The following RBM6 variants were observed in gnomAD, a reference collection of about 807,000 sequenced individuals.
RBM6 encodes RNA-binding protein 6.
Under a neutral mutation model 140.4 loss-of-function variants are expected in RBM6, and 23 were observed. The ratio of observed to expected loss-of-function variants is 0.16; its 90% CI spans 0.12 to 0.23. The LOEUF (loss-of-function observed/expected upper bound fraction) is 0.23, where lower values mean the gene tolerates loss of function less well. Among genes scored for constraint, RBM6 ranks in the 10% least tolerant of loss-of-function variants. The pLI is 1.00. For missense variants in RBM6, 1,139 were observed against 1,386.7 expected, an observed-to-expected ratio of 0.82 and a Z score of 2.84; for synonymous variants, 439 against 475.6, an observed-to-expected ratio of 0.92 and a Z score of 1.00.
intron 1 of RBM6, among the ~76,000 whole-genome samples, chr3:49,957,801 C>T (rs896703028): frequency 1.3e-5 from 2 of 151,714 alleles, no homozygotes; most frequent in East Asian, 1.9e-4. Context: ...TTTACAGTTG[C>T]CCCTGTATTT....
chr3:50,005,165 C>G (rs1292443512), intron 6 of RBM6, among the ~76,000 whole-genome samples: 1 of 151,826 alleles, frequency 6.6e-6, no homozygotes, highest in Non-Finnish European at 1.5e-5. Flanking sequence ...TATAGGAAAC[C>G]AAATCTCAAA....
At chr3:49,989,275 G>A (rs375844239) in intron 5 of RBM6, among the ~76,000 whole-genome samples, 2 of 152,094 alleles carry the variant, frequency 1.3e-5, no homozygotes, top group Admixed American at 6.6e-5. Context: ...TATGCCAATC[G>A]GTTAAATAAT....
At chr3:49,958,497 A>G (rs925540078) in intron 1 of RBM6, among the ~76,000 whole-genome samples, 1 of 152,088 alleles carries the variant, frequency 6.6e-6, no homozygotes, top group Admixed American at 6.6e-5. Flanking sequence ...AATGGCGTCA[A>G]CCCAGGAGGC....
chr3:50,030,136 TGGG>T (rs2088064270), intron 6 of RBM6, among the ~76,000 whole-genome samples: 1 of 150,460 alleles, frequency 6.6e-6, no homozygotes, highest in Admixed American at 6.6e-5. Context: ...AAGCTGGGCA[TGGG>T]GGCACGTGCC....
intron 1 of RBM6, among the ~76,000 whole-genome samples, chr3:49,959,594 A>C (rs1336455299): frequency 8.4e-6 from 1 of 119,550 alleles, no homozygotes; most frequent in Non-Finnish European, 1.8e-5. Context: ...TTTTTGAGAC[A>C]GAGTCTTGCT....
chr3:49,987,977 A>T (rs2085643659), intron 5 of RBM6, among the ~76,000 whole-genome samples: 1 of 152,126 alleles, frequency 6.6e-6, no homozygotes, highest in South Asian at 2.1e-4. Flanking sequence ...GCACTTTGAG[A>T]TGTTTAGAAC....
chr3:50,012,738 C>CTTTTT (rs1354297345), intron 6 of RBM6, among the ~76,000 whole-genome samples: 1 of 120,842 alleles, frequency 8.3e-6, no homozygotes, highest in African/African-American at 3.6e-5. Flanking sequence ...TAGATTCTAC[C>CTTTTT]TTTTTTTTTT....
chr3:49,964,697 G>C (rs1165041570), intron 2 of RBM6, among the ~76,000 whole-genome samples: 1 of 152,142 alleles, frequency 6.6e-6, no homozygotes, highest in East Asian at 1.9e-4. Flanking sequence ...TATTTAGGTT[G>C]TAATCTATCC....
chr3:50,028,323 T>G (rs1475397462), intron 6 of RBM6, among the ~76,000 whole-genome samples: 1 of 152,190 alleles, frequency 6.6e-6, no homozygotes, highest in Non-Finnish European at 1.5e-5. Context: ...GTGGTCATCT[T>G]TTTTCTTTGA....
intron 1 of RBM6, among the ~76,000 whole-genome samples, chr3:49,946,282 G>A (rs1472118246): frequency 1.3e-5 from 2 of 150,344 alleles, no homozygotes; most frequent in Admixed American, 1.3e-4. Context: ...GCTCTGTCAC[G>A]CAGGCTGGAG....
At chr3:49,947,248 T>C in intron 1 of RBM6, among the ~76,000 whole-genome samples, 1 of 83,836 alleles carries the variant, frequency 1.2e-5, no homozygotes. Flanking sequence ...CGAGACTCCG[T>C]CTCAAAAAAA....
intron 6 of RBM6, among the ~76,000 whole-genome samples, chr3:50,016,672 TTTTGTTTG>T (rs937249784): frequency 6.6e-6 from 1 of 151,994 alleles, no homozygotes; most frequent in Non-Finnish European, 1.5e-5. Context: ...CTCATTATGG[TTTTGTTTG>T]TTTGTTTGAG....
At chr3:50,076,408 CCT>C (rs1023535304) in intron 20 of RBM6, among the ~76,000 whole-genome samples, 28 of 151,366 alleles carry the variant, frequency 1.8e-4, no homozygotes, top group East Asian at 3.9e-4. Context: ...TGATGAAACC[CCT>C]GTCTCTACTA....
chr3:49,989,829 C>T (rs1486153206), intron 5 of RBM6, among the ~76,000 whole-genome samples: 2 of 152,084 alleles, frequency 1.3e-5, no homozygotes, highest in East Asian at 1.9e-4. Flanking sequence ...TCACTGTAGC[C>T]TCCGCCTCCC....
intron 1 of RBM6, among the ~76,000 whole-genome samples, chr3:49,942,700 C>G (rs1232546108): frequency 6.6e-6 from 1 of 152,000 alleles, no homozygotes; most frequent in Non-Finnish European, 1.5e-5. Context: ...CAAGAACAGC[C>G]TGGCCAACAT....
intron 6 of RBM6, among the ~76,000 whole-genome samples, chr3:50,015,139 C>T (rs1321949391): frequency 6.7e-6 from 1 of 150,038 alleles, no homozygotes; most frequent in East Asian, 1.9e-4. Flanking sequence ...CAGAGTCACG[C>T]TCTGTCACCC....
chr3:50,072,356 G>A (rs572080636), intron 19 of RBM6, among the ~76,000 whole-genome samples: 1 of 151,294 alleles, frequency 6.6e-6, no homozygotes, highest in South Asian at 2.1e-4. Context: ...GTTGCAGTGA[G>A]CCAAGATTGC....
At chr3:50,027,856 G>A (rs2087927745) in intron 6 of RBM6, among the ~76,000 whole-genome samples, 1 of 152,172 alleles carries the variant, frequency 6.6e-6, no homozygotes, top group African/African-American at 2.4e-5. Context: ...ATACCAAAGA[G>A]CCACAATGCT....
intron 17 of RBM6, among the ~76,000 whole-genome samples, chr3:50,067,831 A>T (rs2090169148): frequency 6.6e-6 from 1 of 152,216 alleles, no homozygotes; most frequent in South Asian, 2.1e-4. Flanking sequence ...ACAGAGCTCA[A>T]AGTTTTATTT....
Sources: allele counts gnomAD v4.1 joint callset (sites outside exome capture counted in the v4.1 genomes callset), GRCh38; gene constraint gnomAD v4.1.1; transcripts MANE v1.5; gene names NCBI Gene and HGNC (gene_info 2026-07-23, HGNC 2026-07-21).